The following FBXL20 variants were observed in gnomAD, a reference collection of about 807,000 sequenced individuals.
FBXL20 encodes F-box and leucine rich repeat protein 20.
In FBXL20, 11 loss-of-function variants were observed where a neutral mutation model predicts 64.0. The ratio of observed to expected loss-of-function variants is 0.17; its 90% CI spans 0.11 to 0.28. The LOEUF (loss-of-function observed/expected upper bound fraction) is 0.28, where lower values mean the gene tolerates loss of function less well. FBXL20 is among the 10% of genes least tolerant of loss of function. The pLI is 1.00. For missense variants in FBXL20, 303 were observed against 526.2 expected, an observed-to-expected ratio of 0.58 and a Z score of 4.15; for synonymous variants, 184 against 189.0, an observed-to-expected ratio of 0.97 and a Z score of 0.22.
chr17:39,267,479 A>G (rs1253472522), intron 12 of FBXL20, among the ~76,000 whole-genome samples: 2 of 152,168 alleles, frequency 1.3e-5, no homozygotes, highest in African/African-American at 2.4e-5. Context: ...CAGAGAAAGG[A>G]ATCAGAAGAT....
At chr17:39,262,571 G>A (rs760806047) in intron 14 of FBXL20, among the ~76,000 whole-genome samples, 4 of 151,878 alleles carry the variant, frequency 2.6e-5, no homozygotes, top group African/African-American at 4.8e-5. Flanking sequence ...GTGAGCCACC[G>A]CGACTGGCCT....
At chr17:39,266,065 CTTTTTTTTTTTT>C (rs34822405) in intron 12 of FBXL20, among the ~76,000 whole-genome samples, 2 of 62,734 alleles carry the variant, frequency 3.2e-5, no homozygotes, top group Admixed American at 2.1e-4. Context: ...CTCATTCATT[CTTTTTTTTTTTT>C]TTTTTTTTTT....
At chr17:39,377,227 C>G (rs561370995) in intron 1 of FBXL20, among the ~76,000 whole-genome samples, 1 of 151,894 alleles carries the variant, frequency 6.6e-6, no homozygotes, top group South Asian at 2.1e-4. Flanking sequence ...CCACCCAGAT[C>G]GATTAACTGG....
chr17:39,387,562 T>A (rs556081667), intron 1 of FBXL20, among the ~76,000 whole-genome samples: 110 of 150,340 alleles, frequency 7.3e-4, no homozygotes, highest in African/African-American at 2.5e-3. Flanking sequence ...TACAGGCGTG[T>A]GCCACAGCGC....
At chr17:39,350,488 C>T (rs191285873) in intron 1 of FBXL20, among the ~76,000 whole-genome samples, 7 of 136,292 alleles carry the variant, frequency 5.1e-5, no homozygotes, top group East Asian at 2.1e-4. Context: ...GACTCCTTCT[C>T]GAAAACAAAA....
At chr17:39,276,902 CATA>C (rs2046902007) in intron 9 of FBXL20, among the ~76,000 whole-genome samples, 1 of 152,088 alleles carries the variant, frequency 6.6e-6, no homozygotes, top group Non-Finnish European at 1.5e-5. Context: ...GTCTGGGCAA[CATA>C]ATGAGACCAC....
rs1029186579 is a variant in FBXL20, at chr17:39,256,336, A to G, written c.*5124T>C. 1.3e-5 allele frequency: 2 copies of G among 151,952 alleles called. No individual in the cohort carries two copies. Among genetic ancestry groups the G allele is most frequent in the Non-Finnish European group, 2.9e-5 (2 of 68,010 alleles). 9.4% of individuals were successfully genotyped at this position (151,952 alleles called of 1,614,324 possible). On this transcript the variant is annotated 3_prime_UTR_variant, in exon 15 of 15. Transcript: ENST00000264658. ...ACTCCATGTCAAAAAAAAAAAAAAA[A>G]AAAAGAAATATAGGCGAGGAAAGGC...
chr17:39,311,216 G>A (rs1051659652), intron 2 of FBXL20, among the ~76,000 whole-genome samples: 2 of 152,052 alleles, frequency 1.3e-5, no homozygotes, highest in Admixed American at 6.6e-5. Flanking sequence ...AGTTTTGAGT[G>A]CATCAAGCAG....
At chr17:39,342,937 GAAA>G (rs1165121296) in intron 2 of FBXL20, among the ~76,000 whole-genome samples, 3 of 151,954 alleles carry the variant, frequency 2.0e-5, no homozygotes, top group Non-Finnish European at 4.4e-5. Flanking sequence ...AAAGAAAAGG[GAAA>G]ATATGTACAT....
At chr17:39,402,483 T>G, upstream of FBXL20, 1 of 270,186 alleles carries the variant, frequency 3.7e-6, no homozygotes. Context: ...AGGCCGGGGG[T>G]CGGGGGTGCA....
At chr17:39,383,900 G>C (rs1416426942) in intron 1 of FBXL20, among the ~76,000 whole-genome samples, 1 of 151,108 alleles carries the variant, frequency 6.6e-6, no homozygotes, top group East Asian at 2.0e-4. Context: ...ACTTTGTTAT[G>C]TTTTAATTTT....
At chr17:39,342,860 T>A (rs2047596233) in intron 2 of FBXL20, among the ~76,000 whole-genome samples, 1 of 152,074 alleles carries the variant, frequency 6.6e-6, no homozygotes, top group Non-Finnish European at 1.5e-5. Flanking sequence ...CCAGCCTGGA[T>A]GACAGAGCAA....
chr17:39,305,726 C>A (rs1487235818), intron 2 of FBXL20, among the ~76,000 whole-genome samples: 2 of 152,092 alleles, frequency 1.3e-5, no homozygotes, highest in African/African-American at 4.8e-5. Context: ...TGGCTCACGA[C>A]TGTAATCCCA....
intron 1 of FBXL20, among the ~76,000 whole-genome samples, chr17:39,382,259 C>T (rs898023925): frequency 2.0e-5 from 3 of 151,460 alleles, no homozygotes; most frequent in South Asian, 2.1e-4. Flanking sequence ...CTGGCTAACA[C>T]GGTGAAACCC....
intron 10 of FBXL20, 152 bp from the exon 11 acceptor site, chr17:39,271,008 C>T: frequency 1.6e-6 from 1 of 634,434 alleles, no homozygotes; most frequent in Non-Finnish European, 2.7e-6. Flanking sequence ...AGTCTGTATA[C>T]AGATCTTGCC....
rs1358368283 is a variant in FBXL20, at chr17:39,309,379, T to C, written c.105-5740A>G. Among the ~76,000 whole-genome samples, 10 of 152,224 alleles carry C rather than the reference T, an allele frequency of 6.6e-5. 1 individual carries two copies. In the East Asian group the frequency reaches 1.2e-3, roughly 18 times the overall value. ...ATATATATTTAAAACCTTGTTTTCA[T>C]GGATCCCATCAGGAATAAGATCTAT... On this transcript the variant is annotated intron_variant, in intron 2 of 14. Transcript: ENST00000264658.
chr17:39,338,547 T>TAAC (rs1281978597), intron 2 of FBXL20, among the ~76,000 whole-genome samples: 2 of 151,822 alleles, frequency 1.3e-5, no homozygotes, highest in African/African-American at 4.8e-5. Context: ...ATAATAATAA[T>TAAC]AATAATAAAC....
At chr17:39,333,271 G>C (rs565405625) in intron 2 of FBXL20, among the ~76,000 whole-genome samples, 1 of 152,186 alleles carries the variant, frequency 6.6e-6, no homozygotes, top group Non-Finnish European at 1.5e-5. Context: ...TCAGCCTGCC[G>C]AGTGCCTGGG....
intron 1 of FBXL20, among the ~76,000 whole-genome samples, chr17:39,351,797 C>T (rs2047689530): frequency 6.6e-6 from 1 of 152,056 alleles, no homozygotes; most frequent in South Asian, 2.1e-4. Context: ...GACAATATCA[C>T]CTAAACATGC....
Sources: allele counts gnomAD v4.1 joint callset (sites outside exome capture counted in the v4.1 genomes callset), GRCh38; gene constraint gnomAD v4.1.1; transcripts MANE v1.5; gene names NCBI Gene and HGNC (gene_info 2026-07-23, HGNC 2026-07-21).